RNFT2: variants seen among roughly 807,000 people sequenced by gnomAD.
The protein encoded by RNFT2 is ring finger protein, transmembrane 2.
RNFT2 carries 36 observed loss-of-function variants against 53.0 expected under a neutral mutation model. The observed-to-expected ratio is 0.68, with a 90% CI of 0.52 to 0.90. The LOEUF (loss-of-function observed/expected upper bound fraction) is 0.90. RNFT2 is among the 40% of genes least tolerant of loss of function. The probability of loss-of-function intolerance (pLI) is 0.00; values close to 1 mark genes in which losing one functional copy is unlikely to be tolerated. For missense variants in RNFT2, 514 were observed against 585.6 expected (o/e 0.88, Z 1.26); for synonymous variants, 260 against 253.2 (o/e 1.03, Z -0.26).
At position 116,849,831 on chromosome 12, in the gene RNFT2, T is replaced by C. The variant is rs1212842911; in HGVS notation, c.*383T>C. The C allele has an allele frequency of 5.2e-5, 8 of 153,402 alleles. No individual in the cohort carries two copies. Among genetic ancestry groups the C allele is most frequent in the Non-Finnish European group, 5.8e-5 (7 of 120,176 alleles). The allele number at this position is 153,402 out of a possible 1,614,324, so 9.5% of individuals were successfully genotyped here. A position where few individuals can be genotyped will look rare whatever the true frequency, so the allele number is the denominator to read the frequency against. ...CTCTCTGTTTCCCTCCCTCCCTCCTTCCTTCCTTCCTTCCTTTTTTTTTTT... is the reference window on the plus strand; with the variant it reads ...CTCTCTGTTTCCCTCCCTCCCTCCTCCCTTCCTTCCTTCCTTTTTTTTTTT... On this transcript the variant is annotated 3_prime_UTR_variant, in exon 11 of 11. Coordinates refer to ENST00000257575, the MANE Select transcript of RNFT2 (RefSeq NM_001382266.1).
At chr12:116,739,923 G>A (rs1463719928) in intron 1 of RNFT2, among the ~76,000 whole-genome samples, 1 of 152,176 alleles carries the variant, frequency 6.6e-6, no homozygotes, top group Non-Finnish European at 1.5e-5. Flanking sequence ...GTTTCAAAGA[G>A]GGCCGGGCAT....
intron 7 of RNFT2, among the ~76,000 whole-genome samples, chr12:116,802,554 G>A (rs1437836439): frequency 6.6e-6 from 1 of 152,150 alleles, no homozygotes; most frequent in Non-Finnish European, 1.5e-5. Context: ...GTGTAAAGAT[G>A]GGGGCAGACA....
In RNFT2 at chr12:116,836,185, A is replaced by T; in HGVS notation, c.1103A>T (p.Tyr368Phe). 1 of 1,595,474 alleles carries T rather than the reference A, an allele frequency of 6.3e-7. No individual in the cohort carries two copies. Among genetic ancestry groups the T allele is most frequent in the Non-Finnish European group, 8.5e-7 (1 of 1,170,864 alleles). ...ALKLLCTSQN[Y>F]GVRATGQQCT... ...TGCTTCTCCCCTCCCTCAAAGAACT[A>T]TGGAGTCCGAGCCACCGGGCAGCAG... The change falls in exon 10 of 11, where the codon TAT (tyrosine) becomes TTT (phenylalanine). Residue 368 changes from tyrosine to phenylalanine, a missense_variant. Tyr to Phe is a conservative substitution (Grantham distance 22). Around this residue, in one of 3 missense-constraint regions of RNFT2, gnomAD observed 273 missense variants for 334.4 expected, o/e 0.82. Transcript: ENST00000257575.
intron 7 of RNFT2, among the ~76,000 whole-genome samples, chr12:116,822,699 A>T (rs1420457543): frequency 1.3e-5 from 2 of 151,094 alleles, no homozygotes; most frequent in Non-Finnish European, 2.9e-5. Flanking sequence ...GGGGAAGAAG[A>T]GGAGAGATAG....
At chr12:116,847,505 A>C (rs546062562) in intron 10 of RNFT2, among the ~76,000 whole-genome samples, 5 of 151,052 alleles carry the variant, frequency 3.3e-5, no homozygotes, top group Non-Finnish European at 7.4e-5. Context: ...TGGTCTTTCC[A>C]ATCTCCCTGC....
chr12:116,763,380 TCGGCATGAATG>T (rs1872767102), intron 5 of RNFT2, among the ~76,000 whole-genome samples: 1 of 152,106 alleles, frequency 6.6e-6, no homozygotes, highest in Admixed American at 6.6e-5. Context: ...ATAATAGATG[TCGGCATGAATG>T]CGGGAACACT....
intron 7 of RNFT2, among the ~76,000 whole-genome samples, chr12:116,831,321 G>A (rs141503581): frequency 2.6e-5 from 4 of 152,234 alleles, no homozygotes; most frequent in Non-Finnish European, 5.9e-5. Flanking sequence ...GTGATACTGT[G>A]TCTTTTCAGG....
At chr12:116,752,231 C>T (rs975171437) in intron 4 of RNFT2, among the ~76,000 whole-genome samples, 3 of 151,598 alleles carry the variant, frequency 2.0e-5, no homozygotes, top group Admixed American at 6.6e-5. Context: ...GGAGATGAGA[C>T]CATTCTTTAT....
Position 116,766,852 on chromosome 12 carries a change from C to CT in RNFT2, c.669dup (p.Leu224SerfsTer35). 2 of 1,599,066 alleles carry CT rather than the reference C, an allele frequency of 1.3e-6. No individual in the cohort carries two copies. Among genetic ancestry groups the CT allele is most frequent in the Non-Finnish European group, 1.7e-6 (2 of 1,172,532 alleles). On this transcript the variant is annotated frameshift_variant, in exon 6 of 11. Transcript: ENST00000257575. LOFTEE classifies it high-confidence loss of function. ...TGCTGGTCATCTTGTGGATCCTGGC[C>CT]TTTCTGGCGGGGAACACCCTCTATG...
chr12:116,822,543 TGCACAGAGTGGTGCCTA>T (rs1876098724), intron 7 of RNFT2, among the ~76,000 whole-genome samples: 2 of 152,196 alleles, frequency 1.3e-5, no homozygotes, highest in Non-Finnish European at 2.9e-5. Context: ...CATAGTGGTG[TGCACAGAGTGGTGCCTA>T]GCACATAGTT....
intron 1 of RNFT2, among the ~76,000 whole-genome samples, chr12:116,738,916 A>C (rs1871452798): frequency 6.6e-6 from 1 of 152,212 alleles, no homozygotes; most frequent in Non-Finnish European, 1.5e-5. Context: ...GATTAAGTTG[A>C]GATTGCAAAT....
chr12:116,786,403 G>GC (rs1456934905), intron 7 of RNFT2, among the ~76,000 whole-genome samples: 2 of 152,080 alleles, frequency 1.3e-5, no homozygotes, highest in Non-Finnish European at 2.9e-5. Context: ...GAGCCACCGC[G>GC]CCCGGCCGAG....
chr12:116,774,329 A>G (rs1051320975), intron 6 of RNFT2, among the ~76,000 whole-genome samples: 3 of 152,244 alleles, frequency 2.0e-5, no homozygotes, highest in Non-Finnish European at 4.4e-5. Context: ...ACAATTAGAA[A>G]AAAAGATCAT....
In RNFT2 at chr12:116,753,996, G is replaced by C. The variant is rs777049517; in HGVS notation, c.563G>C (p.Cys188Ser). ...CFQHKLGIAV[C>S]IGMASTFAYA... ...CTCTGTCCCACAGGCATTGCTGTGT[G>C]CATCGGGATGGCCAGCACCTTCGCC... Residue 188 changes from cysteine to serine, a missense_variant, in exon 5 of 11, where the codon TGC becomes TCC. Physicochemically the swap from Cys to Ser is moderately radical, Grantham distance 112. This residue lies in a region of RNFT2 where 273 missense variants were observed against 334.4 expected (regional missense o/e 0.82). Coordinates refer to ENST00000257575, the MANE Select transcript of RNFT2 (RefSeq NM_001382266.1). 6.2e-7 allele frequency: 1 copy of C among 1,613,928 alleles called. No homozygotes were observed. Among genetic ancestry groups the C allele is most frequent in the Non-Finnish European group, 8.5e-7 (1 of 1,179,856 alleles).
intron 7 of RNFT2, among the ~76,000 whole-genome samples, chr12:116,806,244 C>T (rs1875045901): frequency 6.6e-6 from 1 of 151,698 alleles, no homozygotes; most frequent in African/African-American, 2.4e-5. Context: ...GTGGTGCATG[C>T]CTGTAATCCT....
In RNFT2 at chr12:116,835,965, C is replaced by G; in HGVS notation, c.1038C>G (p.Phe346Leu). 6.2e-7 allele frequency: 1 copy of G among 1,613,970 alleles called. No homozygotes were observed. The highest frequency in any genetic ancestry group is 8.5e-7 in the Non-Finnish European group (1 of 1,179,878). The change falls in exon 9 of 11, where the codon TTC becomes TTG. Residue 346 changes from phenylalanine to leucine, a missense_variant. Transcript: ENST00000257575. ...LIVLYSLCKS[F>L]DICGRVGGVR... ...CCACCCTGCTCTCCTTTCAGTCCTT[C>G]GACATCTGTGGACGTGTGGGCGGAG...
At chr12:116,793,526 C>G (rs753538771) in intron 7 of RNFT2, among the ~76,000 whole-genome samples, 1 of 152,102 alleles carries the variant, frequency 6.6e-6, no homozygotes, top group Non-Finnish European at 1.5e-5. Context: ...TTGCATTTGC[C>G]TGGCCTGGCT....
intron 7 of RNFT2, among the ~76,000 whole-genome samples, chr12:116,804,134 G>A (rs1874936632): frequency 6.6e-6 from 1 of 152,182 alleles, no homozygotes; most frequent in African/African-American, 2.4e-5. Flanking sequence ...TATGGTGTTG[G>A]TTTTGGTGCA....
chr12:116,806,961 T>TA (rs1592970395), intron 7 of RNFT2, among the ~76,000 whole-genome samples: 1 of 152,254 alleles, frequency 6.6e-6, no homozygotes, highest in East Asian at 1.9e-4. Context: ...TAAAAGTTCT[T>TA]AAGTGTTCCT....
Sources: gnomAD v4.1 joint callset for allele counts (sites outside exome capture counted in the v4.1 genomes callset) on GRCh38, gnomAD v4.1.1 for gene constraint, gnomAD v4.1.1 regional missense constraint, MANE v1.5 for transcripts, NCBI Gene and HGNC (gene_info 2026-07-23, HGNC 2026-07-21) for gene names.